Variants in IQGAP2 observed in about 807,000 individuals in gnomAD.
IQGAP2 encodes the protein IQ motif containing GTPase activating protein 2.
Under a neutral mutation model 201.3 loss-of-function variants are expected in IQGAP2, and 173 were observed. The ratio of observed to expected loss-of-function variants is 0.86; its 90% confidence interval spans 0.76 to 0.98. The LOEUF (loss-of-function observed/expected upper bound fraction) is 0.98, where lower values mean the gene tolerates loss of function less well. Among genes scored for constraint, IQGAP2 ranks in the 50% least tolerant of loss-of-function variants. IQGAP2 has a pLI of 0.00. For synonymous variants in IQGAP2, 675 were observed against 673.9 expected (o/e 1.00, Z -0.03); for missense variants, 1,687 against 1,864.8 (o/e 0.90, Z 1.76).
At chr5:76,425,719 A>G (rs1315031963) in intron 1 of IQGAP2, among the ~76,000 whole-genome samples, 1 of 152,172 alleles carries the variant, frequency 6.6e-6, no homozygotes, top group Admixed American at 6.5e-5. Context: ...GGATTTGACT[A>G]GTGTGGGCTA....
intron 1 of IQGAP2, among the ~76,000 whole-genome samples, chr5:76,415,514 G>C (rs1751359011): frequency 6.6e-6 from 1 of 152,206 alleles, no homozygotes; most frequent in Admixed American, 6.5e-5. Flanking sequence ...CTGAAAGATA[G>C]ATCAGTTATT....
intron 5 of IQGAP2, among the ~76,000 whole-genome samples, chr5:76,585,715 TG>T (rs1158551575): frequency 9.2e-5 from 14 of 152,216 alleles, no homozygotes; most frequent in Admixed American, 2.6e-4. Flanking sequence ...GGTTTCTCCA[TG>T]TTGGTCAGGC....
chr5:76,519,458 G>A (rs918392668), intron 2 of IQGAP2, among the ~76,000 whole-genome samples: 3 of 152,166 alleles, frequency 2.0e-5, no homozygotes. Flanking sequence ...CATGTGGGAT[G>A]TTTTCAGTTA....
intron 2 of IQGAP2, among the ~76,000 whole-genome samples, chr5:76,514,379 G>A (rs1275122669): frequency 6.6e-6 from 1 of 152,030 alleles, no homozygotes; most frequent in Non-Finnish European, 1.5e-5. Context: ...CACTGTCCTT[G>A]ATGGCACACT....
intron 1 of IQGAP2, among the ~76,000 whole-genome samples, chr5:76,435,468 TG>T (rs1235140303): frequency 1.3e-5 from 2 of 152,194 alleles, no homozygotes; most frequent in African/African-American, 4.8e-5. Context: ...TTCCAGTTTA[TG>T]TTTTTGTATG....
intron 1 of IQGAP2, among the ~76,000 whole-genome samples, chr5:76,417,241 T>A (rs1308494971): frequency 6.6e-6 from 1 of 152,142 alleles, no homozygotes; most frequent in African/African-American, 2.4e-5. Context: ...ATTTAATCAT[T>A]ACCTCAAAGG....
chr5:76,475,427 C>T, intron 2 of IQGAP2, among the ~76,000 whole-genome samples: 1 of 152,148 alleles, frequency 6.6e-6, no homozygotes. Context: ...GACACTGATG[C>T]CCCAAAATAC....
At chr5:76,500,532 G>A (rs1057172940) in intron 2 of IQGAP2, among the ~76,000 whole-genome samples, 1 of 152,106 alleles carries the variant, frequency 6.6e-6, no homozygotes, top group Non-Finnish European at 1.5e-5. Context: ...TCATGTCTAC[G>A]AAAGTGCATG....
chr5:76,409,846 C>T (rs749660810), intron 1 of IQGAP2, among the ~76,000 whole-genome samples: 13 of 152,142 alleles, frequency 8.5e-5, no homozygotes, highest in Non-Finnish European at 4.4e-5. Flanking sequence ...TCTTGAGATG[C>T]AGTGTGGTGC....
chr5:76,650,758 G>T (rs1752455624), intron 17 of IQGAP2, among the ~76,000 whole-genome samples: 1 of 152,168 alleles, frequency 6.6e-6, no homozygotes, highest in Non-Finnish European at 1.5e-5. Context: ...TTCTCCTAAT[G>T]CTATCCCTCC....
chr5:76,427,578 C>T (rs192033188), intron 1 of IQGAP2, among the ~76,000 whole-genome samples: 26 of 152,286 alleles, frequency 1.7e-4, no homozygotes, highest in Non-Finnish European at 3.7e-4. Flanking sequence ...CTGACAGAAA[C>T]GTTCCATTTT....
intron 11 of IQGAP2, among the ~76,000 whole-genome samples, chr5:76,604,863 G>A (rs1050864720): frequency 6.6e-6 from 1 of 152,136 alleles, no homozygotes; most frequent in Non-Finnish European, 1.5e-5. Flanking sequence ...TTTCTCTCAA[G>A]CTACTCTCTA....
chr5:76,424,623 C>G (rs552325661), intron 1 of IQGAP2, among the ~76,000 whole-genome samples: 9 of 152,196 alleles, frequency 5.9e-5, no homozygotes, highest in Non-Finnish European at 8.8e-5. Context: ...TGTAAACCTC[C>G]TCAAATATTT....
intron 8 of IQGAP2, among the ~76,000 whole-genome samples, chr5:76,592,053 T>C (rs1746698483): frequency 3.3e-5 from 5 of 152,196 alleles, no homozygotes; most frequent in Admixed American, 3.3e-4. Context: ...TCTGACCTCA[T>C]TGCATGACTC....
In IQGAP2 at chr5:76,589,079, C is replaced by T. The variant is rs181997672; in HGVS notation, c.526+106C>T. On this transcript the variant is annotated intron_variant, in intron 6 of 35. Transcript: ENST00000274364. Reference sequence around the variant, plus strand: ...CTGTAATCCCAGCACTTTGGGAGGCCGAGGCGGGCGGATCACAAGGTCAGG... The same window carrying T: ...CTGTAATCCCAGCACTTTGGGAGGCTGAGGCGGGCGGATCACAAGGTCAGG... The T allele has an allele frequency of 4.8e-4, 279 of 583,338 alleles. 1 individual carries two copies. The highest frequency in any genetic ancestry group is 3.6e-3 in the East Asian group (90 of 25,026). The allele number at this position is 583,338 out of a possible 1,614,324, so 36.1% of individuals were successfully genotyped here.
At chr5:76,559,642 C>T (rs1744196806) in intron 2 of IQGAP2, among the ~76,000 whole-genome samples, 2 of 152,196 alleles carry the variant, frequency 1.3e-5, no homozygotes, top group African/African-American at 2.4e-5. Context: ...GGTTCTCTCC[C>T]TGCCTTTCCA....
Position 76,514,011 on chromosome 5 carries a change from C to CT in IQGAP2, c.147-48358dup, listed in dbSNP as rs70982619. On this transcript the variant is annotated intron_variant, in intron 2 of 35. Transcript: ENST00000274364. The stretch of plus-strand genomic sequence containing the variant: ...AACTGCTCAAAAGTCTATTTGTTGC[C>CT]TTTTTTTTTTTTTTTTTTTTTTTTT... 2.2e-3 allele frequency among the ~76,000 whole-genome samples: 144 copies of CT among 65,122 alleles called. 15 individuals carry two copies. Among genetic ancestry groups the CT allele is most frequent in the Admixed American group, 3.2e-3 (15 of 4,744 alleles). The allele number at this position is 65,122 out of a possible 152,430, so 42.7% of individuals were successfully genotyped here. A position where few individuals can be genotyped will look rare whatever the true frequency, so the allele number is the denominator to read the frequency against.
At position 76,649,073 on chromosome 5, in the gene IQGAP2, A is replaced by C. The variant is rs1043960100; in HGVS notation, c.2095-3677A>C. Among the ~76,000 whole-genome samples, 6 of 152,270 alleles carry C rather than the reference A, an allele frequency of 3.9e-5. No individual in the cohort carries two copies. The South Asian group carries it at 1.2e-3, about 31-fold the overall frequency. ...AGACAGGATAAAGTGAAAGAAATTCACACAAAGACATATCATAGTCAAACT... is the reference window on the plus strand; with the variant it reads ...AGACAGGATAAAGTGAAAGAAATTCCCACAAAGACATATCATAGTCAAACT... On this transcript the variant is annotated intron_variant, in intron 17 of 35. Transcript: ENST00000274364.
intron 11 of IQGAP2, among the ~76,000 whole-genome samples, chr5:76,604,479 C>T (rs1031504988): frequency 1.3e-5 from 2 of 151,928 alleles, no homozygotes; most frequent in African/African-American, 4.8e-5. Flanking sequence ...GATTTATAAT[C>T]ATATAATGGG....
Sources: gnomAD v4.1 joint callset for allele counts (sites outside exome capture counted in the v4.1 genomes callset) on GRCh38, gnomAD v4.1.1 for gene constraint, MANE v1.5 for transcripts, NCBI Gene and HGNC (gene_info 2026-07-23, HGNC 2026-07-21) for gene names.